Variants in ZNF337 observed in about 807,000 individuals in gnomAD.
ZNF337 encodes zinc finger protein 337.
In ZNF337, 8 loss-of-function variants were observed where a neutral mutation model predicts 12.1. The ratio of observed to expected loss-of-function variants is 0.66; its 90% CI spans 0.39 to 1.19. The LOEUF (loss-of-function observed/expected upper bound fraction) is 1.19. Among genes scored for constraint, ZNF337 ranks in the 50% most tolerant of loss-of-function variants. The probability of loss-of-function intolerance (pLI) is 0.01; values close to 1 mark genes in which losing one functional copy is unlikely to be tolerated. For synonymous variants in ZNF337, 336 were observed against 320.0 expected (o/e 1.05, Z -0.53); for missense variants, 882 against 896.6 (o/e 0.98, Z 0.21).
At chr20:25,677,087 A>G (rs560836874) in intron 4 of ZNF337, 50 bp from the exon 5 acceptor site, 3 of 1,438,562 alleles carry the variant, frequency 2.1e-6, no homozygotes, top group Admixed American at 2.7e-5. Flanking sequence ...AAAGTCTTCT[A>G]TGAAAGAAAA....
chr20:25,676,454 G>A lies in ZNF337; in HGVS notation c.834C>T (p.Tyr278=). 1.2e-6 allele frequency: 2 copies of A among 1,613,004 alleles called. No individual in the cohort carries two copies. Among genetic ancestry groups the A allele is most frequent in the Non-Finnish European group, 1.7e-6 (2 of 1,179,700 alleles). The part of the protein sequence containing the change: ...VCGRGYTSKS[Y]LTVHERTHTG... The stretch of plus-strand genomic sequence containing the variant: ...TGTGTGTTCTCTCATGCACAGTGAG[G>A]TATGACTTACTGGTATAGCCTCGTC... The change falls in exon 5 of 5, where the codon TAC becomes TAT. Residue 278 remains tyrosine (Y), a synonymous_variant. Coordinates refer to ENST00000252979, the MANE Select transcript of ZNF337 (RefSeq NM_015655.4).
In ZNF337 at chr20:25,685,978, G is replaced by C. The variant is rs202202879; in HGVS notation, c.154+18C>G. ...GCACCACAGGCCAAATGTTAGGCTC[G>C]AGGGAAGCCACGCTTACCTAGTGAG... On this transcript the variant is annotated intron_variant, in intron 3 of 4. Transcript: ENST00000252979. 101 of 1,601,250 alleles carry C rather than the reference G, an allele frequency of 6.3e-5. No individual in the cohort carries two copies. In the African/African-American group the frequency reaches 1.3e-3, roughly 20 times the overall value.
chr20:25,676,601 T>G lies in ZNF337; in HGVS notation c.687A>C (p.Thr229=), dbSNP rs1235711770. Residue 229 remains threonine (T), a synonymous_variant, in exon 5 of 5, where the codon ACA becomes ACC. Coordinates refer to ENST00000252979, the MANE Select transcript of ZNF337 (RefSeq NM_015655.4). ...ACACATAGGACTTCTCTCCTGTGTG[T>G]GTGTTCTGGTGCAAGAGCAATGCTG... ...DESALLLHQN[T]HTGEKSYVCS... 1 of 1,614,180 alleles carries G rather than the reference T, an allele frequency of 6.2e-7. No homozygotes were observed. The highest frequency in any genetic ancestry group is 1.7e-5 in the Admixed American group (1 of 60,024).
Position 25,676,859 on chromosome 20 carries a change from T to C in ZNF337, c.429A>G (p.Ser143=), listed in dbSNP as rs941928985. The C allele has an allele frequency of 6.8e-6, 11 of 1,613,108 alleles. No individual in the cohort carries two copies. The highest frequency in any genetic ancestry group is 1.3e-5 in the African/African-American group (1 of 75,024). The change falls in exon 5 of 5, where the codon TCA becomes TCG. Residue 143 remains serine, a synonymous_variant. Coordinates refer to ENST00000252979, the MANE Select transcript of ZNF337 (RefSeq NM_015655.4). ...TTTCCACTACACTGTTCCTCCTCCT[T>C]GAGCTTACTGCATGTCTTAGGGGTG... ...SSPPLRHAVS[S]RRRNSVVEIE...
chr20:25,680,866 CCATTA>C (rs2065760398), intron 4 of ZNF337: 1 of 152,196 alleles, frequency 6.6e-6, no homozygotes, highest in Non-Finnish European at 1.5e-5. Flanking sequence ...ACATATGCTC[CCATTA>C]CATTAAACAT....
At chr20:25,687,855 C>T (rs976218462) in intron 1 of ZNF337, among the ~76,000 whole-genome samples, 4 of 152,224 alleles carry the variant, frequency 2.6e-5, no homozygotes, top group African/African-American at 9.6e-5. Context: ...TTTCCTCTTT[C>T]CCCTCCAGCC....
intron 1 of ZNF337, among the ~76,000 whole-genome samples, chr20:25,688,337 CT>C (rs991989219): frequency 1.4e-5 from 2 of 142,810 alleles, no homozygotes; most frequent in Non-Finnish European, 3.0e-5. Context: ...AGTTGTTTAA[CT>C]ATTCTTCCAT....
At chr20:25,692,802 T>A (rs903031894) in intron 1 of ZNF337, among the ~76,000 whole-genome samples, 1 of 152,162 alleles carries the variant, frequency 6.6e-6, no homozygotes, top group Non-Finnish European at 1.5e-5. Context: ...GAGGCAAACT[T>A]GAAACATTTA....
chr20:25,692,720 C>G (rs911258027), intron 1 of ZNF337, among the ~76,000 whole-genome samples: 5 of 152,106 alleles, frequency 3.3e-5, no homozygotes, highest in Admixed American at 6.6e-5. Flanking sequence ...GAGTTAATAT[C>G]CTGTAGGAAC....
rs749846102 is a variant in ZNF337 at position 25,675,102 on chromosome 20, C to T, written c.2186G>A (p.Ser729Asn). Residue 729 changes from serine (S) to asparagine (N), a missense_variant, in exon 5 of 5, where the codon AGT becomes AAT. Coordinates refer to ENST00000252979, the MANE Select transcript of ZNF337 (RefSeq NM_015655.4). ...ACGTAAGTGTCTCTTTAAGTGCTTA[C>T]TGTAGTATGACTTATTGCTAAACTT... ...GRKFSNKSYY[S>N]KHLKRHLREK... 29 of 1,614,044 alleles carry T rather than the reference C, an allele frequency of 1.8e-5. No homozygotes were observed. The highest frequency in any genetic ancestry group is 2.1e-5 in the Non-Finnish European group (25 of 1,180,032).
chr20:25,682,754 G>C (rs2065781998), intron 4 of ZNF337, among the ~76,000 whole-genome samples: 1 of 151,838 alleles, frequency 6.6e-6, no homozygotes, highest in South Asian at 2.1e-4. Flanking sequence ...AGAATTGCTT[G>C]AACCTGGGAG....
rs780969824 is a variant in ZNF337, at chr20:25,676,635, C to G, written c.653G>C (p.Arg218Thr). 2 of 1,614,218 alleles carry G rather than the reference C, an allele frequency of 1.2e-6. No homozygotes were observed. Among genetic ancestry groups the G allele is most frequent in the East Asian group, 2.2e-5 (1 of 44,880 alleles). Reference protein sequence around the residue: ...FTCRECHQGFRDESALLLHQN... With the variant: ...FTCRECHQGFTDESALLLHQN... ...GTGCAAGAGCAATGCTGACTCATCT[C>G]TAAAGCCCTGGTGACACTCCCTGCA... is the stretch of plus-strand genomic sequence containing the variant. The change falls in exon 5 of 5, where the codon AGA (arginine) becomes ACA (threonine). Residue 218 changes from arginine (R) to threonine (T), a missense_variant. Arg to Thr is a moderately conservative substitution (Grantham distance 71, BLOSUM62 -1). Coordinates refer to ENST00000252979, the MANE Select transcript of ZNF337 (RefSeq NM_015655.4).
At chr20:25,693,814 C>T (rs982760553) in intron 1 of ZNF337, among the ~76,000 whole-genome samples, 2 of 152,192 alleles carry the variant, frequency 1.3e-5, no homozygotes, top group African/African-American at 4.8e-5. Context: ...GGGCTGTCCT[C>T]CCTTACCCTG....
At chr20:25,691,659 A>G (rs2065883130) in intron 1 of ZNF337, among the ~76,000 whole-genome samples, 1 of 152,194 alleles carries the variant, frequency 6.6e-6, no homozygotes, top group Non-Finnish European at 1.5e-5. Flanking sequence ...AGTTTCTCTC[A>G]GAGTGGACCA....
At chr20:25,678,641 G>T (rs982915079) in intron 4 of ZNF337, among the ~76,000 whole-genome samples, 1 of 152,080 alleles carries the variant, frequency 6.6e-6, no homozygotes, top group Non-Finnish European at 1.5e-5. Context: ...AAGCAGCATG[G>T]TATTGGTCTA....
At chr20:25,696,665 C>G (rs567469300) in intron 1 of ZNF337, 94 bp downstream of exon 1, 3 of 865,104 alleles carry the variant, frequency 3.5e-6, no homozygotes, top group Non-Finnish European at 4.2e-6. Flanking sequence ...GCGCTACGGC[C>G]CCAGCAGCGC....
chr20:25,674,624 T>A lies in ZNF337; in HGVS notation c.*408A>T. The A allele has an allele frequency of 5.9e-6, 1 of 170,392 alleles. No individual in the cohort carries two copies. The highest frequency in any genetic ancestry group is 1.3e-5 in the Non-Finnish European group (1 of 79,868). 10.6% of individuals were successfully genotyped at this position (170,392 alleles called of 1,614,324 possible). On this transcript the variant is annotated 3_prime_UTR_variant, in exon 5 of 5. Coordinates refer to ENST00000252979, the MANE Select transcript of ZNF337 (RefSeq NM_015655.4). ...GCCAGAGGGAAAGTGCAAGAGGAGG[T>A]TTGGTGGAGGTGTCCTAGATTGTTT...
In ZNF337 at chr20:25,676,232, C is replaced by A. The variant is rs769604120; in HGVS notation, c.1056G>T (p.Glu352Asp). The change falls in exon 5 of 5, where the codon GAG (glutamate) becomes GAT (aspartate). Residue 352 changes from glutamate (E) to aspartate (D), a missense_variant. By Grantham distance (45) the Glu-to-Asp change is conservative. Coordinates refer to ENST00000252979, the MANE Select transcript of ZNF337 (RefSeq NM_015655.4). Reference protein sequence around the residue: ...HSGEKPYRCQECGRGFSNKSH... With the variant: ...HSGEKPYRCQDCGRGFSNKSH... ...ACTTATTGCTAAAGCCTCGGCCACA[C>A]TCCTGGCATCTGTAAGGCTTCTCTC... is the stretch of plus-strand genomic sequence containing the variant. The A allele has an allele frequency of 4.3e-6, 7 of 1,613,808 alleles. No individual in the cohort carries two copies. Among genetic ancestry groups the A allele is most frequent in the African/African-American group, 1.3e-5 (1 of 74,812 alleles).
rs553376342 is a variant in ZNF337 at position 25,675,071 on chromosome 20, C to T, written c.2217G>A (p.Lys739=). 13 of 1,612,326 alleles carry T rather than the reference C, an allele frequency of 8.1e-6. No individual in the cohort carries two copies. In the South Asian group the frequency reaches 9.9e-5, roughly 12 times the overall value. Residue 739 remains lysine (K), a synonymous_variant, in exon 5 of 5, where the codon AAG becomes AAA. Coordinates refer to ENST00000252979, the MANE Select transcript of ZNF337 (RefSeq NM_015655.4). Reference sequence around the variant, plus strand: ...CACCCACACTCCCTGTACAAAAACGCTTCTCACGTAAGTGTCTCTTTAAGT... The same window carrying T: ...CACCCACACTCCCTGTACAAAAACGTTTCTCACGTAAGTGTCTCTTTAAGT... ...SKHLKRHLRE[K]RFCTGSVGEA... is the part of the protein sequence containing the mutation.
Sources: gnomAD v4.1 joint callset for allele counts (sites outside exome capture counted in the v4.1 genomes callset) on GRCh38, gnomAD v4.1.1 for gene constraint, MANE v1.5 for transcripts, NCBI Gene and HGNC (gene_info 2026-07-23, HGNC 2026-07-21) for gene names.